Variants in EYS observed in about 807,000 individuals in gnomAD.
EYS encodes protein eyes shut homolog.
Under a neutral mutation model 282.1 loss-of-function variants are expected in EYS, and 250 were observed. That is an observed-to-expected ratio of 0.89 (90% CI 0.80 to 0.98). The LOEUF (loss-of-function observed/expected upper bound fraction) is 0.98, where lower values mean the gene tolerates loss of function less well. EYS is among the 50% of genes least tolerant of loss of function. EYS has a pLI of 0.00. For synonymous variants in EYS, 1,355 were observed against 1,282.9 expected (o/e 1.06, Z -1.20); for missense variants, 4,016 against 3,709.0 (o/e 1.08, Z -2.15).
At chr6:64,167,794 CCA>C (rs1357765081) in intron 31 of EYS, among the ~76,000 whole-genome samples, 1 of 151,934 alleles carries the variant, frequency 6.6e-6, no homozygotes, top group African/African-American at 2.4e-5. Context: ...ATTTATTAAA[CCA>C]CACAATATAA....
intron 8 of EYS, among the ~76,000 whole-genome samples, chr6:65,375,689 C>T (rs561574553): frequency 1.6e-4 from 25 of 151,920 alleles, no homozygotes; most frequent in African/African-American, 5.5e-4. Flanking sequence ...CATAAATGAC[C>T]GGATGGAGCT....
At chr6:63,857,958 G>C (rs1346348252) in intron 36 of EYS, among the ~76,000 whole-genome samples, 1 of 152,098 alleles carries the variant, frequency 6.6e-6, no homozygotes, top group African/African-American at 2.4e-5. Flanking sequence ...ATATGTGATA[G>C]CATTAAATGT....
At chr6:64,234,839 T>C (rs1046472259) in intron 30 of EYS, among the ~76,000 whole-genome samples, 5 of 151,826 alleles carry the variant, frequency 3.3e-5, no homozygotes, top group African/African-American at 9.7e-5. Flanking sequence ...TGTAATGTTT[T>C]CAAGGTTCAC....
At chr6:64,658,277 A>T (rs966186937) in intron 22 of EYS, among the ~76,000 whole-genome samples, 2 of 150,608 alleles carry the variant, frequency 1.3e-5, no homozygotes, top group African/African-American at 2.5e-5. Flanking sequence ...CAAGGTTTTT[A>T]ACTTCTTTGC....
chr6:65,579,286 T>C (rs1764789283), intron 2 of EYS, among the ~76,000 whole-genome samples: 2 of 152,216 alleles, frequency 1.3e-5, no homozygotes, highest in African/African-American at 4.8e-5. Context: ...ATGAGGCAGC[T>C]TTATAGACAT....
chr6:64,818,696 C>T (rs1306115555), intron 21 of EYS, among the ~76,000 whole-genome samples: 7 of 152,120 alleles, frequency 4.6e-5, no homozygotes, highest in African/African-American at 9.6e-5. Flanking sequence ...AAATGGAGGC[C>T]GGAAGACTCA....
intron 19 of EYS, among the ~76,000 whole-genome samples, chr6:64,860,929 G>A (rs1466460336): frequency 3.3e-5 from 5 of 152,212 alleles, no homozygotes; most frequent in Non-Finnish European, 7.3e-5. Flanking sequence ...GTTTCCGCCT[G>A]CCTCAGAGGA....
At chr6:64,993,313 T>C (rs927153296) in intron 14 of EYS, among the ~76,000 whole-genome samples, 4 of 151,918 alleles carry the variant, frequency 2.6e-5, no homozygotes, top group African/African-American at 9.7e-5. Context: ...TATAGCAGCA[T>C]GATTTATAAT....
At position 65,204,214 on chromosome 6, in the gene EYS, C is replaced by T. The variant is rs1765971993; in HGVS notation, c.2023+91649G>A. Among the ~76,000 whole-genome samples, 3 of 152,018 alleles carry T rather than the reference C, an allele frequency of 2.0e-5. No individual in the cohort carries two copies. The South Asian group carries it at 6.2e-4, about 32-fold the overall frequency. On this transcript the variant is annotated intron_variant, in intron 12 of 42. Coordinates refer to ENST00000503581, the MANE Select transcript of EYS (RefSeq NM_001142800.2). ...CAAATACAATAAATTTAGAGAATACCTGGAATATATTATACAGAATGTACA... is the reference window on the plus strand; with the variant it reads ...CAAATACAATAAATTTAGAGAATACTTGGAATATATTATACAGAATGTACA...
intron 31 of EYS, among the ~76,000 whole-genome samples, chr6:64,191,477 TC>T (rs552503593): frequency 9.1e-5 from 13 of 143,406 alleles, no homozygotes; most frequent in South Asian, 2.3e-4. Context: ...TGCTATCCCT[TC>T]CCCCCCCACC....
chr6:63,763,870 T>TTTATATATA (rs1185179091), intron 40 of EYS, among the ~76,000 whole-genome samples: 2 of 129,664 alleles, frequency 1.5e-5, no homozygotes, highest in African/African-American at 5.7e-5. Flanking sequence ...TTATATCTTG[T>TTTATATATA]TATATATATA....
At chr6:64,678,846 G>T (rs900753753) in intron 22 of EYS, among the ~76,000 whole-genome samples, 1 of 151,950 alleles carries the variant, frequency 6.6e-6, no homozygotes, top group Non-Finnish European at 1.5e-5. Flanking sequence ...AATTAGCCGG[G>T]TTTGGTGATA....
At chr6:64,813,629 T>G in intron 21 of EYS, 52 bp from the exon 22 acceptor site, 1 of 1,068,896 alleles carries the variant, frequency 9.4e-7, no homozygotes, top group Non-Finnish European at 1.3e-6. Flanking sequence ...AGGTTGACCA[T>G]TTTAATATAA....
At chr6:64,697,924 G>A (rs535041169) in intron 22 of EYS, among the ~76,000 whole-genome samples, 225 of 151,818 alleles carry the variant, frequency 1.5e-3, no homozygotes, top group African/African-American at 4.9e-3. Flanking sequence ...CCTGATGACA[G>A]AACAAGACTC....
At chr6:65,039,094 T>C (rs1247545342) in intron 13 of EYS, among the ~76,000 whole-genome samples, 2 of 151,498 alleles carry the variant, frequency 1.3e-5, no homozygotes, top group African/African-American at 2.4e-5. Flanking sequence ...CAAAAATTCC[T>C]ACTCCTTGAT....
At chr6:65,220,916 G>T (rs1441266369) in intron 12 of EYS, among the ~76,000 whole-genome samples, 1 of 152,162 alleles carries the variant, frequency 6.6e-6, no homozygotes, top group African/African-American at 2.4e-5. Flanking sequence ...CTATATTTTA[G>T]CAAAGACACT....
intron 32 of EYS, among the ~76,000 whole-genome samples, chr6:64,076,701 TGTG>T (rs1771782536): frequency 6.6e-6 from 1 of 151,956 alleles, no homozygotes; most frequent in Admixed American, 6.6e-5. Context: ...CCCGTGGAAC[TGTG>T]AGTCCATTAA....
intron 2 of EYS, among the ~76,000 whole-genome samples, chr6:65,505,952 G>C (rs983040634): frequency 6.6e-6 from 1 of 152,028 alleles, no homozygotes; most frequent in African/African-American, 2.4e-5. Flanking sequence ...CTGCCTGCTT[G>C]GCTTATCAGT....
intron 30 of EYS, among the ~76,000 whole-genome samples, chr6:64,249,739 G>C (rs1225766900): frequency 6.6e-6 from 1 of 152,154 alleles, no homozygotes; most frequent in Non-Finnish European, 1.5e-5. Context: ...TAAGAGCTGT[G>C]GTCCTGGAGA....
Sources: allele counts gnomAD v4.1 joint callset (sites outside exome capture counted in the v4.1 genomes callset), GRCh38; gene constraint gnomAD v4.1.1; transcripts MANE v1.5; gene names NCBI Gene and HGNC (gene_info 2026-07-23, HGNC 2026-07-21).